Variants in RPH3A observed in about 807,000 individuals in gnomAD.
The protein encoded by RPH3A is rabphilin-3A.
A neutral mutation model predicts 102.2 loss-of-function variants in RPH3A; 48 were observed. The observed-to-expected ratio is 0.47, with a 90% confidence interval of 0.37 to 0.60. The LOEUF (loss-of-function observed/expected upper bound fraction) is 0.60, where lower values mean the gene tolerates loss of function less well. RPH3A is among the 20% of genes least tolerant of loss of function. The probability of loss-of-function intolerance (pLI) is 0.00; values close to 1 mark genes in which losing one functional copy is unlikely to be tolerated. For synonymous variants in RPH3A, 310 were observed against 324.3 expected, an observed-to-expected ratio of 0.96 and a Z score of 0.47; for missense variants, 781 against 910.1, an observed-to-expected ratio of 0.86 and a Z score of 1.83.
intron 15 of RPH3A, among the ~76,000 whole-genome samples, chr12:112,882,176 C>T (rs2042926117): frequency 6.6e-6 from 1 of 152,168 alleles, no homozygotes; most frequent in Admixed American, 6.5e-5. Flanking sequence ...CTCACCTCCC[C>T]TACACATTTT....
At chr12:112,587,911 G>C (rs1421378134) in intron 1 of RPH3A, among the ~76,000 whole-genome samples, 1 of 152,144 alleles carries the variant, frequency 6.6e-6, no homozygotes, top group Non-Finnish European at 1.5e-5. Flanking sequence ...GTGAATGTTG[G>C]AGGTTTGTTC....
chr12:112,805,621 G>A (rs1225705610), intron 2 of RPH3A, among the ~76,000 whole-genome samples: 1 of 152,124 alleles, frequency 6.6e-6, no homozygotes, highest in African/African-American at 2.4e-5. Context: ...TGATTGTTTT[G>A]CCTTCTGGAG....
chr12:112,726,269 C>T (rs1326148582), intron 1 of RPH3A, among the ~76,000 whole-genome samples: 3 of 152,084 alleles, frequency 2.0e-5, no homozygotes, highest in Non-Finnish European at 4.4e-5. Flanking sequence ...TGTGTGCCAC[C>T]ACACCTAGCT....
At chr12:112,647,590 GGT>G (rs1592924267) in intron 1 of RPH3A, among the ~76,000 whole-genome samples, 2 of 140,600 alleles carry the variant, frequency 1.4e-5, no homozygotes, top group Admixed American at 7.3e-5. Context: ...GGCTAGAGAG[GGT>G]GTGTGTGTGT....
At chr12:112,834,314 G>T (rs1188222813) in intron 3 of RPH3A, among the ~76,000 whole-genome samples, 1 of 152,098 alleles carries the variant, frequency 6.6e-6, no homozygotes, top group South Asian at 2.1e-4. Context: ...TCAATAGTTT[G>T]TTTCTTTTAA....
At chr12:112,797,075 G>C (rs1165135823) in intron 2 of RPH3A, among the ~76,000 whole-genome samples, 1 of 152,126 alleles carries the variant, frequency 6.6e-6, no homozygotes, top group Non-Finnish European at 1.5e-5. Context: ...TTGGGACTTA[G>C]ATAAAGTAAG....
In RPH3A at chr12:112,883,351, C is replaced by A. The variant is rs758828228; in HGVS notation, c.1385C>A (p.Thr462Asn). Residue 462 changes from threonine to asparagine, a missense_variant, in exon 16 of 22, where the codon ACC becomes AAC. Thr to Asn is a moderately conservative substitution (Grantham distance 65). Around this residue, in one of 2 missense-constraint regions of RPH3A, gnomAD observed 730 missense variants for 810.0 expected, o/e 0.90. Coordinates refer to ENST00000389385, the MANE Select transcript of RPH3A (RefSeq NM_001143854.2). ...ACCCGGAACCCCATCTGGAATGAGA[C>A]CCTCGTGTATCACGGCATCACCGAT... ...RNTRNPIWNE[T>N]LVYHGITDED... is the part of the protein sequence containing the mutation. The A allele has an allele frequency of 9.9e-6, 16 of 1,613,970 alleles. No individual in the cohort carries two copies. Among genetic ancestry groups the A allele is most frequent in the Non-Finnish European group, 1.4e-5 (16 of 1,180,014 alleles).
At chr12:112,801,032 T>C (rs1473102627) in intron 2 of RPH3A, among the ~76,000 whole-genome samples, 2 of 152,162 alleles carry the variant, frequency 1.3e-5, no homozygotes, top group African/African-American at 2.4e-5. Flanking sequence ...TCTATCAGCA[T>C]GAAGCAGGAT....
intron 1 of RPH3A, among the ~76,000 whole-genome samples, chr12:112,774,724 C>T (rs1859193): frequency 0.13 from 20,276 of 151,334 alleles, 1,663 homozygotes; most frequent in Admixed American, 0.22. Context: ...GGGAGCTGAA[C>T]AACGAGAACA....
intron 1 of RPH3A, among the ~76,000 whole-genome samples, chr12:112,702,560 T>A (rs996567279): frequency 2.0e-5 from 3 of 152,190 alleles, no homozygotes; most frequent in African/African-American, 7.2e-5. Flanking sequence ...AGGGAACAGG[T>A]CTCCAGCCTT....
At chr12:112,790,346 C>A (rs2041085806), upstream of RPH3A, among the ~76,000 whole-genome samples, 1 of 152,186 alleles carries the variant, frequency 6.6e-6, no homozygotes, top group Admixed American at 6.5e-5. Context: ...GCATGAGCCA[C>A]CGCGCCTGGC....
At chr12:112,780,509 G>A (rs550960142) in intron 1 of RPH3A, among the ~76,000 whole-genome samples, 6 of 152,118 alleles carry the variant, frequency 3.9e-5, no homozygotes, top group African/African-American at 9.7e-5. Flanking sequence ...GGGATAAGCC[G>A]ATAAACGTAA....
intron 4 of RPH3A, among the ~76,000 whole-genome samples, chr12:112,841,711 T>TTG (rs1555215078): frequency 5.3e-5 from 8 of 150,840 alleles, no homozygotes; most frequent in African/African-American, 2.0e-4. Flanking sequence ...TTTTTGGTTT[T>TTG]TTTTTTTTTT....
chr12:112,644,996 C>T (rs866991939), intron 1 of RPH3A, among the ~76,000 whole-genome samples: 18 of 152,118 alleles, frequency 1.2e-4, no homozygotes, highest in African/African-American at 4.1e-4. Context: ...CAAAAGACTC[C>T]CAGGCATTTT....
At chr12:112,745,126 T>C (rs2040735446) in intron 1 of RPH3A, among the ~76,000 whole-genome samples, 1 of 152,204 alleles carries the variant, frequency 6.6e-6, no homozygotes, top group Non-Finnish European at 1.5e-5. Context: ...TTTGACATCT[T>C]TGACGCTTCC....
At chr12:112,586,478 A>G (rs1458318602) in intron 1 of RPH3A, among the ~76,000 whole-genome samples, 1 of 152,084 alleles carries the variant, frequency 6.6e-6, no homozygotes, top group South Asian at 2.1e-4. Flanking sequence ...AAGATTTGTG[A>G]GGAAAATGTT....
intron 1 of RPH3A, among the ~76,000 whole-genome samples, chr12:112,585,189 C>T (rs1423458615): frequency 2.6e-5 from 4 of 152,178 alleles, no homozygotes; most frequent in East Asian, 1.9e-4. Context: ...TTATCCTAGC[C>T]GTGGGCAGCT....
At chr12:112,651,202 A>C (rs2039972890) in intron 1 of RPH3A, among the ~76,000 whole-genome samples, 1 of 151,790 alleles carries the variant, frequency 6.6e-6, no homozygotes, top group Admixed American at 6.6e-5. Flanking sequence ...CCTAAAAAAA[A>C]CAAAACAAAA....
chr12:112,692,039 C>T (rs7953289), intron 1 of RPH3A, among the ~76,000 whole-genome samples: 4,794 of 152,142 alleles, frequency 0.032, 268 homozygotes, highest in African/African-American at 0.11. Context: ...TGGATGGAAC[C>T]GGAGGGTACT....
Sources: allele counts gnomAD v4.1 joint callset (sites outside exome capture counted in the v4.1 genomes callset), GRCh38; gene constraint gnomAD v4.1.1; regional missense constraint gnomAD v4.1.1; transcripts MANE v1.5; gene names NCBI Gene and HGNC (gene_info 2026-07-23, HGNC 2026-07-21).